NTN1: variants seen among roughly 807,000 people sequenced by gnomAD.
NTN1 encodes netrin 1.
In NTN1, 11 loss-of-function variants were observed where a neutral mutation model predicts 54.2. The observed-to-expected ratio is 0.20, with a 90% confidence interval of 0.13 to 0.34. The LOEUF (loss-of-function observed/expected upper bound fraction) is 0.34, where lower values mean the gene tolerates loss of function less well. Among genes scored for constraint, NTN1 ranks in the 10% least tolerant of loss-of-function variants. NTN1 has a pLI of 1.00. For missense variants in NTN1, 740 were observed against 893.1 expected, an observed-to-expected ratio of 0.83 and a Z score of 2.18; for synonymous variants, 371 against 382.0, an observed-to-expected ratio of 0.97 and a Z score of 0.33.
chr17:9,155,647 G>C (rs577128496), intron 2 of NTN1, among the ~76,000 whole-genome samples: 1 of 152,170 alleles, frequency 6.6e-6, no homozygotes, highest in East Asian at 1.9e-4. Flanking sequence ...GGCGCTCCTG[G>C]AGCAGCTTTC....
intron 2 of NTN1, among the ~76,000 whole-genome samples, chr17:9,102,272 A>G (rs1019053140): frequency 6.6e-6 from 1 of 152,244 alleles, no homozygotes; most frequent in African/African-American, 2.4e-5. Flanking sequence ...CTCACAGTTC[A>G]GCATGGCTGG....
intron 2 of NTN1, among the ~76,000 whole-genome samples, chr17:9,048,395 G>A (rs2091947937): frequency 2.0e-5 from 3 of 151,654 alleles, no homozygotes; most frequent in African/African-American, 7.3e-5. Flanking sequence ...AAACAGATTT[G>A]CTGTCCTCCA....
At chr17:9,041,773 C>T (rs923451154) in intron 2 of NTN1, among the ~76,000 whole-genome samples, 2 of 152,022 alleles carry the variant, frequency 1.3e-5, no homozygotes, top group East Asian at 1.9e-4. Flanking sequence ...CTTTGGGAGG[C>T]GGAGGCGGGT....
At position 9,227,292 on chromosome 17, in the gene NTN1, CACAT is replaced by C. The variant is rs529209001; in HGVS notation, c.1486+6054_1486+6057del. Among the ~76,000 whole-genome samples the C allele has an allele frequency of 5.3e-3, 803 of 150,738 alleles. 5 individuals are homozygous for C. Among genetic ancestry groups the C allele is most frequent in the African/African-American group, 0.018 (742 of 40,708 alleles). ...CACATATACCACATGCACGCATACA[CACAT>C]ACACAATCACAAACACACCACACAC... is the stretch of plus-strand genomic sequence containing the variant. On this transcript the variant is annotated intron_variant, in intron 6 of 6. Coordinates refer to ENST00000173229, the MANE Select transcript of NTN1 (RefSeq NM_004822.3).
intron 2 of NTN1, among the ~76,000 whole-genome samples, chr17:9,133,318 G>C (rs990199647): frequency 6.6e-6 from 1 of 152,240 alleles, no homozygotes; most frequent in African/African-American, 2.4e-5. Flanking sequence ...CACAGGACCT[G>C]TTGTGCCAAG....
intron 2 of NTN1, among the ~76,000 whole-genome samples, chr17:9,097,128 T>C (rs1401374391): frequency 6.6e-6 from 1 of 152,220 alleles, no homozygotes; most frequent in Non-Finnish European, 1.5e-5. Flanking sequence ...TTTCATTTTA[T>C]AAACCATTGT....
chr17:9,027,677 A>T (rs1393249972), intron 2 of NTN1, among the ~76,000 whole-genome samples: 1 of 152,156 alleles, frequency 6.6e-6, no homozygotes, highest in Non-Finnish European at 1.5e-5. Context: ...TTATTATATT[A>T]TATTCATACA....
intron 2 of NTN1, among the ~76,000 whole-genome samples, chr17:9,080,292 C>T (rs181393966): frequency 1.2e-3 from 187 of 152,334 alleles, no homozygotes; most frequent in Non-Finnish European, 2.1e-3. Flanking sequence ...CATTGCTGCT[C>T]AGGCCTCGTC....
the NTN1 span, among the ~76,000 whole-genome samples, chr17:9,008,182 A>T: frequency 2.6e-3 from 396 of 151,336 alleles, no homozygotes; most frequent in African/African-American, 9.2e-3. Flanking sequence ...ACTAAAGCCC[A>T]GTGTCTCTGT....
At chr17:9,133,022 T>C (rs1240185523) in intron 2 of NTN1, among the ~76,000 whole-genome samples, 1 of 152,140 alleles carries the variant, frequency 6.6e-6, no homozygotes, top group Non-Finnish European at 1.5e-5. Context: ...TTCCACGGAC[T>C]GTAGACGCTC....
intron 2 of NTN1, among the ~76,000 whole-genome samples, chr17:9,160,026 G>A (rs904150199): frequency 2.0e-5 from 3 of 152,144 alleles, no homozygotes; most frequent in East Asian, 1.9e-4. Flanking sequence ...ACCCTGGGAG[G>A]TCCTTCTTTT....
At position 9,221,242 on chromosome 17, in the gene NTN1, G is replaced by A; in HGVS notation, c.1486G>A (p.Ala496Thr). Residue 496 changes from alanine (A) to threonine (T), a missense_variant and splice_region_variant, in exon 6 of 7, where the codon GCC becomes ACC. By Grantham distance (58) the Ala-to-Thr change is moderately conservative. Coordinates refer to ENST00000173229, the MANE Select transcript of NTN1 (RefSeq NM_004822.3). The surrounding 1 kb of genome is among the most constrained non-coding windows in gnomAD (Gnocchi z 4.5). ...NMKKYCKKDY[A>T]VQIHILKADK... The stretch of plus-strand genomic sequence containing the variant: ...GAAAAAGTACTGCAAGAAGGACTAT[G>A]GTGAGTGAGAGTCCCCTTGTCTGGG... The A allele has an allele frequency of 6.2e-7, 1 of 1,609,938 alleles. No individual in the cohort carries two copies. The highest frequency in any genetic ancestry group is 8.5e-7 in the Non-Finnish European group (1 of 1,177,154).
chr17:9,072,042 C>A (rs764938929), intron 2 of NTN1, among the ~76,000 whole-genome samples: 1 of 152,162 alleles, frequency 6.6e-6, no homozygotes, highest in Non-Finnish European at 1.5e-5. Context: ...CCCCGAGAGT[C>A]GGGAGGGAAG....
At chr17:9,156,181 G>C (rs565755530) in intron 2 of NTN1, among the ~76,000 whole-genome samples, 2 of 151,692 alleles carry the variant, frequency 1.3e-5, no homozygotes, top group South Asian at 4.2e-4. Context: ...ACCTGTCCCA[G>C]TGCGCAGGCA....
At chr17:9,133,754 A>ATTTTTTTTT (rs57053201) in intron 2 of NTN1, among the ~76,000 whole-genome samples, 39 of 104,532 alleles carry the variant, frequency 3.7e-4, no homozygotes, top group East Asian at 1.5e-3. Flanking sequence ...TGCCCAGCTA[A>ATTTTTTTTT]TTTTTTTTTT....
rs1350335342 is a variant in NTN1 at position 9,022,664 on chromosome 17, C to A, written c.291C>A (p.Ser97=). 6.4e-7 allele frequency: 1 copy of A among 1,571,890 alleles called. No individual in the cohort carries two copies. Among genetic ancestry groups the A allele is most frequent in the Non-Finnish European group, 8.6e-7 (1 of 1,160,176 alleles). Reference sequence around the variant, plus strand: ...GCTCGTGCCACCTCTGCAACGCGTCCGACCCCAAGAAGGCGCACCCGCCCG... The same window carrying A: ...GCTCGTGCCACCTCTGCAACGCGTCAGACCCCAAGAAGGCGCACCCGCCCG... ...RLRSCHLCNA[S]DPKKAHPPAF... is the part of the protein sequence containing the mutation. The change falls in exon 2 of 7, where the codon TCC becomes TCA. Residue 97 remains serine (S), a synonymous_variant. Coordinates refer to ENST00000173229, the MANE Select transcript of NTN1 (RefSeq NM_004822.3).
intron 2 of NTN1, among the ~76,000 whole-genome samples, chr17:9,147,493 G>A (rs1236250384): frequency 5.3e-5 from 8 of 152,126 alleles, no homozygotes; most frequent in African/African-American, 9.7e-5. Flanking sequence ...CAGCCTGGGC[G>A]ACAGAGAGAG....
At chr17:9,195,200 TC>T (rs1175436710) in intron 5 of NTN1, among the ~76,000 whole-genome samples, 1 of 51,208 alleles carries the variant, frequency 2.0e-5, no homozygotes, top group Non-Finnish European at 4.3e-5. Context: ...CTACCACCCC[TC>T]CACCCCTCCA....
chr17:9,181,175 G>A (rs3826467), intron 4 of NTN1, among the ~76,000 whole-genome samples: 54,472 of 151,994 alleles, frequency 0.36, 10,171 homozygotes, highest in Middle Eastern at 0.49. Flanking sequence ...AACAAAGGGC[G>A]GGCTGATGCC....
Sources: gnomAD v4.1 joint callset for allele counts (sites outside exome capture counted in the v4.1 genomes callset) on GRCh38, gnomAD v4.1.1 for gene constraint, Gnocchi (gnomAD v3.1) non-coding constraint, MANE v1.5 for transcripts, NCBI Gene and HGNC (gene_info 2026-07-23, HGNC 2026-07-21) for gene names.